Variants in CYB5A observed in about 807,000 individuals in gnomAD.
The protein encoded by CYB5A is cytochrome b5.
CYB5A carries 10 observed loss-of-function variants against 16.2 expected under a neutral mutation model. That is an observed-to-expected ratio of 0.62 (90% CI 0.38 to 1.04). The LOEUF is 1.04. CYB5A is among the 50% of genes least tolerant of loss of function. CYB5A has a pLI of 0.01. For missense variants in CYB5A, 161 were observed against 165.9 expected (o/e 0.97, Z 0.16); for synonymous variants, 62 against 57.0 (o/e 1.09, Z -0.40).
At chr18:74,261,168 G>C in intron 2 of CYB5A, 1 of 502,638 alleles carries the variant, frequency 2.0e-6, no homozygotes, top group Non-Finnish European at 3.6e-6. Context: ...CCAAAGTTTC[G>C]AACAGCACCC....
Position 74,268,507 on chromosome 18 carries a change from C to A in CYB5A, c.130-5030G>T, listed in dbSNP as rs534159487. Among the ~76,000 whole-genome samples the A allele has an allele frequency of 9.5e-4, 145 of 152,180 alleles. 1 individual carries two copies. The highest frequency in any genetic ancestry group is 3.4e-3 in the African/African-American group (143 of 41,522). On this transcript the variant is annotated intron_variant, in intron 1 of 4. Transcript: ENST00000340533. Reference sequence around the variant, plus strand: ...CAATGAGAGAGGCCATGGTAAGGATCTAAGTGGGGGAGGTAACGCGATCAG... The same window carrying A: ...CAATGAGAGAGGCCATGGTAAGGATATAAGTGGGGGAGGTAACGCGATCAG...
chr18:74,255,812 G>A, intron 3 of CYB5A, 37 bp from the exon 4 acceptor site: 3 of 1,505,152 alleles, frequency 2.0e-6, no homozygotes, highest in African/African-American at 1.4e-5. Context: ...TAAGTTCAAG[G>A]GAATGCTGAA....
In CYB5A at chr18:74,263,470, C is replaced by G; in HGVS notation, c.137G>C (p.Gly46Ala). Residue 46 changes from glycine to alanine, a missense_variant, in exon 2 of 5, where the codon GGT becomes GCT. By Grantham distance (60) the Gly-to-Ala change is moderately conservative. Transcript: ENST00000340533. ...TTGTTCCCTTAAAACTTCTTCCCCA[C>G]CAGGATGCTGTTCAAAGGAGAGGTA... ...DLTKFLEEHP[G>A]GEEVLREQAG... 1 of 1,614,096 alleles carries G rather than the reference C, an allele frequency of 6.2e-7. No individual in the cohort carries two copies. The highest frequency in any genetic ancestry group is 8.5e-7 in the Non-Finnish European group (1 of 1,180,002).
rs1981810914 is a variant in CYB5A, at chr18:74,252,667, A to C, written c.*917T>G. The stretch of plus-strand genomic sequence containing the variant: ...TTTAAGTTGCTGATGTTTTTCAATC[A>C]GTGAAGATAAGAAGTCTCTCTTATA... On this transcript the variant is annotated 3_prime_UTR_variant, in exon 5 of 5. Transcript: ENST00000340533. The C allele has an allele frequency of 1.3e-5, 2 of 152,082 alleles. No homozygotes were observed. Among genetic ancestry groups the C allele is most frequent in the African/African-American group, 4.8e-5 (2 of 41,414 alleles). The allele number at this position is 152,082 out of a possible 1,614,324, so 9.4% of individuals were successfully genotyped here.
intron 1 of CYB5A, among the ~76,000 whole-genome samples, chr18:74,289,846 T>A (rs377008709): frequency 1.3e-4 from 19 of 144,440 alleles, no homozygotes; most frequent in African/African-American, 4.9e-4. Context: ...CTCAGGGAGG[T>A]GGCTCAATAT....
intron 1 of CYB5A, among the ~76,000 whole-genome samples, chr18:74,264,216 A>C (rs1982336852): frequency 2.1e-5 from 2 of 93,346 alleles, no homozygotes; most frequent in Non-Finnish European, 5.8e-5. Flanking sequence ...GTCTCAAAAA[A>C]AAAAAAAAAA....
intron 4 of CYB5A, among the ~76,000 whole-genome samples, chr18:74,255,202 C>T (rs1208715651): frequency 1.3e-5 from 2 of 152,140 alleles, no homozygotes; most frequent in African/African-American, 4.8e-5. Flanking sequence ...AAAGTGGCTA[C>T]TACTGAAGTC....
At chr18:74,279,249 C>G (rs112521656) in intron 1 of CYB5A, among the ~76,000 whole-genome samples, 1 of 152,236 alleles carries the variant, frequency 6.6e-6, no homozygotes, top group Non-Finnish European at 1.5e-5. Context: ...GAGACAAGGC[C>G]GGGCGCGGTG....
At chr18:74,275,502 G>T (rs111944114) in intron 1 of CYB5A, among the ~76,000 whole-genome samples, 3,099 of 152,254 alleles carry the variant, frequency 0.02, 60 homozygotes, top group African/African-American at 0.057. Flanking sequence ...TGGTGGCAAA[G>T]ATCACTTCTT....
At chr18:74,281,011 G>A (rs1009699359) in intron 1 of CYB5A, among the ~76,000 whole-genome samples, 4 of 152,158 alleles carry the variant, frequency 2.6e-5, no homozygotes, top group Non-Finnish European at 4.4e-5. Context: ...GGGACCACGC[G>A]AGAGAAGATG....
intron 1 of CYB5A, among the ~76,000 whole-genome samples, chr18:74,285,843 CAAAAAA>C (rs58176740): frequency 2.8e-5 from 2 of 70,866 alleles, no homozygotes; most frequent in African/African-American, 8.4e-5. Context: ...GACCCCATCT[CAAAAAA>C]AAAAAAAAAA....
chr18:74,275,767 G>A (rs1480222204), intron 1 of CYB5A, among the ~76,000 whole-genome samples: 1 of 152,024 alleles, frequency 6.6e-6, no homozygotes, highest in Non-Finnish European at 1.5e-5. Context: ...CTGGAAAAGC[G>A]GGAGCTATTA....
rs114967271 is a variant in CYB5A at position 74,269,761 on chromosome 18, C to T, written c.130-6284G>A. ...CAAAACAGACTGAGAATCTAACCAC[C>T]TCTCACCACTTCCCCTGCTACCACC... On this transcript the variant is annotated intron_variant, in intron 1 of 4. Coordinates refer to ENST00000340533, the MANE Select transcript of CYB5A (RefSeq NM_148923.4). Among the ~76,000 whole-genome samples the T allele has an allele frequency of 5.6e-3, 860 of 152,252 alleles. 6 individuals are homozygous for T. The highest frequency in any genetic ancestry group is 0.02 in the African/African-American group (810 of 41,526).
intron 1 of CYB5A, among the ~76,000 whole-genome samples, chr18:74,279,265 C>T (rs888735346): frequency 3.9e-5 from 6 of 152,246 alleles, no homozygotes; most frequent in Non-Finnish European, 8.8e-5. Context: ...CGGTGGCTCA[C>T]GCCTATAACC....
chr18:74,275,621 C>T (rs1982840849), intron 1 of CYB5A, among the ~76,000 whole-genome samples: 1 of 152,184 alleles, frequency 6.6e-6, no homozygotes, highest in Non-Finnish European at 1.5e-5. Context: ...CCTGTGTAAA[C>T]ATGCAGAAGC....
chr18:74,255,854 A>T, intron 3 of CYB5A, 79 bp from the exon 4 acceptor site: 1 of 1,126,106 alleles, frequency 8.9e-7, no homozygotes. Flanking sequence ...CTGTTTGAAA[A>T]TAAGAACACA....
intron 1 of CYB5A, among the ~76,000 whole-genome samples, chr18:74,280,689 G>A (rs7232500): frequency 1.9e-4 from 29 of 152,060 alleles, no homozygotes; most frequent in African/African-American, 6.8e-4. Flanking sequence ...GGTTATTGAT[G>A]TCCAGTTGTT....
chr18:74,257,137 A>T (rs933113275), intron 3 of CYB5A: 5 of 435,644 alleles, frequency 1.1e-5, no homozygotes, highest in Non-Finnish European at 2.1e-5. Context: ...AGTTTGAAAC[A>T]GCCAACGGAA....
At chr18:74,290,404 C>T (rs1344501197) in intron 1 of CYB5A, among the ~76,000 whole-genome samples, 2 of 152,054 alleles carry the variant, frequency 1.3e-5, no homozygotes, top group Non-Finnish European at 2.9e-5. Context: ...CCCGCCAGGC[C>T]TGGCTAATTT....
Sources: allele counts gnomAD v4.1 joint callset (sites outside exome capture counted in the v4.1 genomes callset), GRCh38; gene constraint gnomAD v4.1.1; transcripts MANE v1.5; gene names NCBI Gene and HGNC (gene_info 2026-07-23, HGNC 2026-07-21).